Variants in TMEM17 observed in about 807,000 individuals in gnomAD.
The protein encoded by TMEM17 is transmembrane protein 17.
In TMEM17, 15 loss-of-function variants were observed where a neutral mutation model predicts 19.1. The ratio of observed to expected loss-of-function variants is 0.78; its 90% CI spans 0.52 to 1.21. The LOEUF (loss-of-function observed/expected upper bound fraction) is 1.21. TMEM17 is among the 50% of genes most tolerant of loss of function. TMEM17 has a pLI of 0.00. For missense variants in TMEM17, 245 were observed against 242.3 expected (o/e 1.01, Z -0.07); for synonymous variants, 103 against 86.9 (o/e 1.19, Z -1.03).
At chr2:62,503,481 G>C (rs1393781284) in intron 1 of TMEM17, among the ~76,000 whole-genome samples, 1 of 152,156 alleles carries the variant, frequency 6.6e-6, no homozygotes, top group Non-Finnish European at 1.5e-5. Flanking sequence ...GCAAATCCGA[G>C]CTCCCCAAAC....
chr2:62,485,335 C>T, the TMEM17 span, among the ~76,000 whole-genome samples: 74 of 152,300 alleles, frequency 4.9e-4, no homozygotes, highest in Non-Finnish European at 1.0e-3. Flanking sequence ...TATTTCTTCC[C>T]CCACTTCTTT....
At chr2:62,499,363 T>C (rs1679860259), downstream of TMEM17, among the ~76,000 whole-genome samples, 1 of 152,188 alleles carries the variant, frequency 6.6e-6, no homozygotes, top group South Asian at 2.1e-4. Context: ...TTATTTTATA[T>C]TTTCTTATAG....
the TMEM17 span, among the ~76,000 whole-genome samples, chr2:62,484,193 C>G: frequency 6.6e-6 from 1 of 152,252 alleles, no homozygotes; most frequent in Non-Finnish European, 1.5e-5. Flanking sequence ...CCCTCTTTCT[C>G]TAGAGCAGCA....
chr2:62,464,715 C>T, the TMEM17 span, among the ~76,000 whole-genome samples: 27,094 of 152,076 alleles, frequency 0.18, 2,596 homozygotes, highest in Admixed American at 0.25. Context: ...ATCCGTCTCC[C>T]GGAGCATTCA....
chr2:62,470,642 G>A, the TMEM17 span, among the ~76,000 whole-genome samples: 2 of 152,244 alleles, frequency 1.3e-5, no homozygotes, highest in Non-Finnish European at 2.9e-5. Context: ...TGGGGGTGGG[G>A]TCCACCTTGA....
the TMEM17 span, among the ~76,000 whole-genome samples, chr2:62,484,138 A>G: frequency 1.3e-5 from 2 of 152,156 alleles, no homozygotes; most frequent in South Asian, 4.1e-4. Flanking sequence ...TCAAAGTTTC[A>G]TTTCCCAATG....
the TMEM17 span, among the ~76,000 whole-genome samples, chr2:62,467,180 C>T: frequency 1.3e-5 from 2 of 152,036 alleles, no homozygotes; most frequent in East Asian, 1.9e-4. Flanking sequence ...TTAGCCAGTC[C>T]TGTTGCAGCA....
At chr2:62,492,991 G>C in the TMEM17 span, among the ~76,000 whole-genome samples, 2 of 152,160 alleles carry the variant, frequency 1.3e-5, no homozygotes, top group Admixed American at 6.6e-5. Flanking sequence ...AGGCTAGGGA[G>C]TTTGGGTGTT....
the TMEM17 span, among the ~76,000 whole-genome samples, chr2:62,471,572 G>A: frequency 1.3e-5 from 2 of 152,238 alleles, no homozygotes; most frequent in South Asian, 4.1e-4. Flanking sequence ...TAGGGCTGGG[G>A]AGTTTAATCT....
At chr2:62,478,464 GCA>G in the TMEM17 span, among the ~76,000 whole-genome samples, 1 of 152,312 alleles carries the variant, frequency 6.6e-6, no homozygotes, top group Non-Finnish European at 1.5e-5. Context: ...ATGCAGAAAG[GCA>G]CATGGCAAGA....
At chr2:62,505,980 G>A in intron 1 of TMEM17, 50 bp downstream of exon 1, 4 of 1,522,520 alleles carry the variant, frequency 2.6e-6, no homozygotes, top group Non-Finnish European at 3.6e-6. Flanking sequence ...CAAAATCCAC[G>A]CCAAGCCCTC....
chr2:62,467,354 G>C, the TMEM17 span, among the ~76,000 whole-genome samples: 1 of 151,806 alleles, frequency 6.6e-6, no homozygotes, highest in Non-Finnish European at 1.5e-5. Flanking sequence ...GTGTAGATAA[G>C]CAAACTGCAG....
At position 62,506,062 on chromosome 2, in the gene TMEM17, T is replaced by A. The variant is rs372401879; in HGVS notation, c.68A>T (p.Asn23Ile). The A allele has an allele frequency of 3.4e-5, 55 of 1,611,020 alleles. No individual in the cohort carries two copies. In the African/African-American group the frequency reaches 5.2e-4, roughly 15 times the overall value. The change falls in exon 1 of 4, where the codon AAT becomes ATT. Residue 23 changes from asparagine (N) to isoleucine (I), a missense_variant. Transcript: ENST00000335390. ...CTCATTGGACTCTGGACCGGTCCGA[T>A]TGGAATCACTGAACACGGCCCGGCT... Reference protein sequence around the residue: ...NFSRAVFSDSNRTGPESNEGP... With the variant: ...NFSRAVFSDSIRTGPESNEGP...
At chr2:62,492,812 A>T in the TMEM17 span, among the ~76,000 whole-genome samples, 46 of 152,256 alleles carry the variant, frequency 3.0e-4, no homozygotes, top group Non-Finnish European at 5.3e-4. Context: ...GCATTAAAAA[A>T]TAAGTAGAGT....
chr2:62,477,157 G>A, the TMEM17 span, among the ~76,000 whole-genome samples: 3 of 152,344 alleles, frequency 2.0e-5, no homozygotes, highest in Non-Finnish European at 2.9e-5. Context: ...AGCACTTTGG[G>A]AGGCTGAGGC....
At chr2:62,485,015 G>A in the TMEM17 span, among the ~76,000 whole-genome samples, 1 of 152,218 alleles carries the variant, frequency 6.6e-6, no homozygotes, top group Non-Finnish European at 1.5e-5. Context: ...TCAGCTTACT[G>A]CAACCTCCGC....
chr2:62,470,971 G>C, the TMEM17 span, among the ~76,000 whole-genome samples: 13 of 152,210 alleles, frequency 8.5e-5, no homozygotes, highest in Admixed American at 7.8e-4. Context: ...TCCTCTCCTG[G>C]GGGCTACAGG....
chr2:62,466,729 C>A, the TMEM17 span, among the ~76,000 whole-genome samples: 1 of 152,170 alleles, frequency 6.6e-6, no homozygotes, highest in Admixed American at 6.5e-5. Context: ...GGGCTTTGCG[C>A]TGACCCCGCC....
the TMEM17 span, among the ~76,000 whole-genome samples, chr2:62,472,735 T>C: frequency 2.0e-5 from 3 of 152,236 alleles, no homozygotes; most frequent in Non-Finnish European, 4.4e-5. Context: ...CAGGTTTTAA[T>C]GTGTCTCTCA....
Sources: gnomAD v4.1 joint callset for allele counts (sites outside exome capture counted in the v4.1 genomes callset) on GRCh38, gnomAD v4.1.1 for gene constraint, MANE v1.5 for transcripts, NCBI Gene and HGNC (gene_info 2026-07-23, HGNC 2026-07-21) for gene names.